EYA4: variants seen among roughly 807,000 people sequenced by gnomAD.
EYA4 encodes EYA transcriptional coactivator and phosphatase 4, also known as protein phosphatase EYA4.
In EYA4, 31 loss-of-function variants were observed where a neutral mutation model predicts 87.9. The ratio of observed to expected loss-of-function variants is 0.35; its 90% CI spans 0.27 to 0.48. The LOEUF is 0.48. Ranked by LOEUF, EYA4 falls within the 20% of genes least tolerant of loss-of-function variation. The probability of loss-of-function intolerance (pLI) is 0.99; values close to 1 mark genes in which losing one functional copy is unlikely to be tolerated. For synonymous variants in EYA4, 263 were observed against 270.6 expected (o/e 0.97, Z 0.28); for missense variants, 678 against 761.4 (o/e 0.89, Z 1.29).
At chr6:133,356,062 A>G (rs1164265496) in intron 2 of EYA4, among the ~76,000 whole-genome samples, 1 of 146,012 alleles carries the variant, frequency 6.8e-6, no homozygotes, top group Non-Finnish European at 1.5e-5. Context: ...AGAGAAAGAG[A>G]GAGAGAGAGA....
Position 133,460,485 on chromosome 6 carries a change from A to G in EYA4, c.371-629A>G, listed in dbSNP as rs568219866. ...GAAAAGTATTATCTCTAATAGTTCA[A>G]AGTATATTTGTAAATGTAATTGCTA... On this transcript the variant is annotated intron_variant, in intron 6 of 19. Transcript: ENST00000355286. 1.7e-4 allele frequency among the ~76,000 whole-genome samples: 26 copies of G among 152,270 alleles called. 1 individual carries two copies. The South Asian group carries it at 5.2e-3, about 30-fold the overall frequency.
intron 18 of EYA4, among the ~76,000 whole-genome samples, chr6:133,524,362 A>G (rs1800442476): frequency 6.6e-6 from 1 of 152,188 alleles, no homozygotes; most frequent in Non-Finnish European, 1.5e-5. Context: ...CCATCAGATT[A>G]AGAAAAAAGG....
chr6:133,319,296 G>T (rs1780867809), intron 2 of EYA4, among the ~76,000 whole-genome samples: 1 of 152,214 alleles, frequency 6.6e-6, no homozygotes, highest in Non-Finnish European at 1.5e-5. Context: ...GACTCTGCAT[G>T]CAGAATTAGC....
chr6:133,526,712 C>G (rs144977548), intron 19 of EYA4, among the ~76,000 whole-genome samples: 2 of 152,262 alleles, frequency 1.3e-5, no homozygotes, highest in East Asian at 3.9e-4. Flanking sequence ...TCATTGCTGA[C>G]TACTACTTCA....
chr6:133,346,999 A>G (rs573258947), intron 2 of EYA4, among the ~76,000 whole-genome samples: 67 of 152,352 alleles, frequency 4.4e-4, no homozygotes, highest in African/African-American at 1.5e-3. Flanking sequence ...GTGGAGCTCC[A>G]GGTTTCTGGA....
chr6:133,522,097 C>T (rs1302185498), intron 17 of EYA4, among the ~76,000 whole-genome samples: 1 of 145,122 alleles, frequency 6.9e-6, no homozygotes, highest in Non-Finnish European at 1.5e-5. Context: ...CACATGTACC[C>T]TAAAACTTAA....
chr6:133,394,409 A>T lies in EYA4; in HGVS notation c.83+11968A>T, dbSNP rs189644593. ...TTGCTTGGGTAGTAAGAGCCAAATA[A>T]TACAGGTATCTTTAGTTCAACAGCG... is the stretch of plus-strand genomic sequence containing the variant. On this transcript the variant is annotated intron_variant, in intron 3 of 19. Coordinates refer to ENST00000355286, the MANE Select transcript of EYA4 (RefSeq NM_004100.5). Among the ~76,000 whole-genome samples the T allele has an allele frequency of 1.4e-3, 215 of 150,920 alleles. 2 individuals are homozygous for T. Among genetic ancestry groups the T allele is most frequent in the African/African-American group, 4.7e-3 (192 of 41,060 alleles).
At chr6:133,423,314 G>A (rs1350464491) in intron 3 of EYA4, among the ~76,000 whole-genome samples, 1 of 152,084 alleles carries the variant, frequency 6.6e-6, no homozygotes, top group Non-Finnish European at 1.5e-5. Flanking sequence ...TTAAAAACCG[G>A]TGTTACAGTT....
chr6:133,283,723 G>T (rs141075829), intron 2 of EYA4, among the ~76,000 whole-genome samples: 2 of 152,042 alleles, frequency 1.3e-5, no homozygotes, highest in Non-Finnish European at 2.9e-5. Flanking sequence ...GTTTTGTTAC[G>T]TGGATATATT....
At position 133,279,375 on chromosome 6, in the gene EYA4, G is replaced by A. The variant is rs1287923656; in HGVS notation, c.33+4562G>A. Among the ~76,000 whole-genome samples, 3 of 151,882 alleles carry A rather than the reference G, an allele frequency of 2.0e-5. No homozygotes were observed. In the East Asian group the frequency reaches 5.8e-4, roughly 29 times the overall value. On this transcript the variant is annotated intron_variant, in intron 2 of 19. Transcript: ENST00000355286. ...TTGTTGGTGGCATGATTTTATTAGT[G>A]ACATCTAAATTAACTCACATTCATT...
chr6:133,514,828 T>G (rs1198680456), intron 16 of EYA4, among the ~76,000 whole-genome samples: 2 of 152,242 alleles, frequency 1.3e-5, no homozygotes, highest in Non-Finnish European at 2.9e-5. Flanking sequence ...ATTAGAAACA[T>G]TTTAACAGCT....
At chr6:133,284,213 T>C (rs886159077) in intron 2 of EYA4, among the ~76,000 whole-genome samples, 6 of 152,238 alleles carry the variant, frequency 3.9e-5, no homozygotes, top group East Asian at 1.9e-4. Flanking sequence ...AGATTAATTG[T>C]ACAATCTTCA....
intron 1 of EYA4, among the ~76,000 whole-genome samples, chr6:133,242,150 C>A (rs185587567): frequency 6.6e-6 from 1 of 152,214 alleles, no homozygotes; most frequent in African/African-American, 2.4e-5. Flanking sequence ...GGGTCTCCCC[C>A]ACATCTTTCT....
At chr6:133,503,871 G>A (rs779760451) in intron 13 of EYA4, among the ~76,000 whole-genome samples, 4 of 151,892 alleles carry the variant, frequency 2.6e-5, no homozygotes, top group Admixed American at 6.6e-5. Context: ...CAGAGCAAGG[G>A]GCCCTTCTGA....
intron 2 of EYA4, among the ~76,000 whole-genome samples, chr6:133,298,366 A>G (rs1415770967): frequency 6.6e-6 from 1 of 152,144 alleles, no homozygotes; most frequent in East Asian, 1.9e-4. Context: ...TCAGAAACCA[A>G]AATTGGAGTT....
chr6:133,454,054 C>T (rs1340217414), intron 5 of EYA4, among the ~76,000 whole-genome samples: 2 of 152,118 alleles, frequency 1.3e-5, no homozygotes, highest in Non-Finnish European at 2.9e-5. Context: ...AATTGGGTCT[C>T]AAAGTTGAAA....
At chr6:133,259,813 C>T (rs1427192058) in intron 1 of EYA4, among the ~76,000 whole-genome samples, 1 of 152,102 alleles carries the variant, frequency 6.6e-6, no homozygotes, top group African/African-American at 2.4e-5. Flanking sequence ...AGGTGTCACA[C>T]CTTGATTCCT....
At chr6:133,369,651 A>T (rs80152878) in intron 2 of EYA4, among the ~76,000 whole-genome samples, 13,630 of 152,240 alleles carry the variant, frequency 0.09, 768 homozygotes, top group East Asian at 0.15. Context: ...AAAATGTAAA[A>T]TGTTGGTAGG....
intron 10 of EYA4, among the ~76,000 whole-genome samples, chr6:133,466,041 T>C (rs1312365326): frequency 6.6e-6 from 1 of 152,138 alleles, no homozygotes; most frequent in Non-Finnish European, 1.5e-5. Context: ...ACTTGCTATA[T>C]GTTAGATTTT....
Sources: allele counts gnomAD v4.1 joint callset (sites outside exome capture counted in the v4.1 genomes callset), GRCh38; gene constraint gnomAD v4.1.1; transcripts MANE v1.5; gene names NCBI Gene and HGNC (gene_info 2026-07-23, HGNC 2026-07-21).